CHD2: variants seen among roughly 807,000 people sequenced by gnomAD.
CHD2 encodes the protein ATP-dependent chromatin remodeler CHD2.
CHD2 carries 28 observed loss-of-function variants against 243.9 expected under a neutral mutation model. That is an observed-to-expected ratio of 0.11 (90% CI 0.09 to 0.16). The LOEUF (loss-of-function observed/expected upper bound fraction) is 0.16, where lower values mean the gene tolerates loss of function less well. CHD2 is among the 10% of genes least tolerant of loss of function. The pLI, the probability that CHD2 is intolerant of heterozygous loss-of-function variation, is 1.00. For missense variants in CHD2, 1,386 were observed against 2,209.8 expected (o/e 0.63, Z 7.47); for synonymous variants, 775 against 779.0 (o/e 0.99, Z 0.09).
intron 17 of CHD2, among the ~76,000 whole-genome samples, chr15:92,968,543 C>T (rs1357609521): frequency 6.6e-6 from 1 of 152,124 alleles, no homozygotes; most frequent in Non-Finnish European, 1.5e-5. Flanking sequence ...TTGCCTAGAT[C>T]TGTTAATTCA....
At chr15:92,905,068 T>C in intron 2 of CHD2, 3 of 1,425,588 alleles carry the variant, frequency 2.1e-6, no homozygotes, top group South Asian at 1.3e-5. Flanking sequence ...TAGTAGAAAA[T>C]AGAAAATTTC....
intron 2 of CHD2, chr15:92,904,502 G>A: frequency 1.2e-5 from 12 of 991,434 alleles, no homozygotes; most frequent in Non-Finnish European, 1.4e-5. Context: ...GGAAAAGGAA[G>A]GGAACTCTAG....
chr15:92,953,679 T>G, intron 14 of CHD2, 106 bp downstream of exon 14: 1 of 1,011,674 alleles, frequency 9.9e-7, no homozygotes, highest in Non-Finnish European at 1.5e-6. Context: ...GTTATTATTC[T>G]GATACTGTGC....
At chr15:92,944,234 GT>G in intron 9 of CHD2, 180 bp from the exon 10 acceptor site, 35 of 449,730 alleles carry the variant, frequency 7.8e-5, no homozygotes, top group Non-Finnish European at 9.7e-5. Context: ...CTCTAAAAGT[GT>G]TTTTTTTGTT....
At chr15:92,972,825 TG>T (rs1373805830) in intron 19 of CHD2, among the ~76,000 whole-genome samples, 1 of 126,636 alleles carries the variant, frequency 7.9e-6, no homozygotes, top group African/African-American at 3.1e-5. Flanking sequence ...CACTCCAGCC[TG>T]GGCGACAGAG....
At chr15:92,923,273 T>G (rs992762534) in intron 2 of CHD2, among the ~76,000 whole-genome samples, 5 of 152,152 alleles carry the variant, frequency 3.3e-5, no homozygotes, top group African/African-American at 4.8e-5. Flanking sequence ...TTGTTTTTGT[T>G]TTTTGGAGAC....
intron 2 of CHD2, 183 bp from the exon 3 acceptor site, chr15:92,924,138 G>T: frequency 1.9e-6 from 1 of 523,494 alleles, no homozygotes; most frequent in South Asian, 2.1e-5. Flanking sequence ...AGCTATTGGG[G>T]ATTTTGAGAA....
chr15:92,927,149 T>C lies in CHD2; in HGVS notation c.295-95T>C, dbSNP rs144624536. On this transcript the variant is annotated intron_variant, in intron 3 of 38. Transcript: ENST00000394196. ...ACTAGCAAAACAACCCTTTTGATAC[T>C]TGGTTACTTGAATTCTCTTCAATTG... The C allele has an allele frequency of 1.1e-3, 1,036 of 903,844 alleles. 5 individuals are homozygous for C. The highest frequency in any genetic ancestry group is 9.2e-3 in the East Asian group (353 of 38,268). The allele number at this position is 903,844 out of a possible 1,614,324, so 56.0% of individuals were successfully genotyped here. A position where few individuals can be genotyped will look rare whatever the true frequency, so the allele number is the denominator to read the frequency against.
At chr15:92,985,752 C>T (rs372585827) in intron 26 of CHD2, 79 bp downstream of exon 26, 18 of 1,439,574 alleles carry the variant, frequency 1.3e-5, no homozygotes, top group African/African-American at 2.8e-5. Flanking sequence ...TCCTGGACAT[C>T]GTGACAGGGT....
rs779953123 is a variant in CHD2 at position 93,009,166 on chromosome 15, G to A, written c.4435G>A (p.Val1479Met). Residue 1479 changes from valine (V) to methionine (M), a missense_variant, in exon 35 of 39, where the codon GTG becomes ATG. Physicochemically the swap from Val to Met is conservative, Grantham distance 21. Transcript: ENST00000394196. ...GCAGTGTAAGGAGAGGATGAGGCCCGTGAAAAAGGCACTGAAACAGCTCGA... is the reference window on the plus strand; with the variant it reads ...GCAGTGTAAGGAGAGGATGAGGCCCATGAAAAAGGCACTGAAACAGCTCGA... The part of the protein sequence containing the change: ...FSICKERMRP[V>M]KKALKQLDKP... 27 of 1,614,030 alleles carry A rather than the reference G, an allele frequency of 1.7e-5. No individual in the cohort carries two copies. Among genetic ancestry groups the A allele is most frequent in the Non-Finnish European group, 1.5e-5 (18 of 1,180,022 alleles).
chr15:92,940,883 TATATATAAAA>T (rs1267921817), intron 7 of CHD2, among the ~76,000 whole-genome samples: 8 of 90,114 alleles, frequency 8.9e-5, no homozygotes, highest in African/African-American at 1.7e-4. Context: ...TACATATAAA[TATATATAAAA>T]ATATATATAA....
intron 2 of CHD2, among the ~76,000 whole-genome samples, chr15:92,913,464 C>T (rs767851007): frequency 2.0e-5 from 3 of 152,140 alleles, no homozygotes; most frequent in Non-Finnish European, 4.4e-5. Context: ...GTGTTACTGG[C>T]CTCTAGTGGG....
intron 2 of CHD2, among the ~76,000 whole-genome samples, chr15:92,919,166 CTT>C (rs956891449): frequency 2.1e-5 from 3 of 143,594 alleles, no homozygotes; most frequent in Non-Finnish European, 4.6e-5. Context: ...CATAATTACA[CTT>C]TTTTTTTTTT....
intron 26 of CHD2, among the ~76,000 whole-genome samples, chr15:92,990,020 A>G (rs2054096273): frequency 6.6e-6 from 1 of 152,118 alleles, no homozygotes. Context: ...CCAGTTGGTA[A>G]TGTTGCCTCA....
intron 13 of CHD2, 68 bp downstream of exon 13, chr15:92,949,144 AT>A (rs1002924182): frequency 1.7e-4 from 261 of 1,520,474 alleles, no homozygotes; most frequent in East Asian, 3.1e-4. Flanking sequence ...GATGTCAAGA[AT>A]TTTTTTTTTC....
chr15:92,923,270 T>C (rs1394934072), intron 2 of CHD2, among the ~76,000 whole-genome samples: 1 of 152,182 alleles, frequency 6.6e-6, no homozygotes, highest in African/African-American at 2.4e-5. Context: ...TTTTTGTTTT[T>C]GTTTTTTGGA....
At chr15:92,962,095 T>C (rs1249918258) in intron 16 of CHD2, among the ~76,000 whole-genome samples, 1 of 151,966 alleles carries the variant, frequency 6.6e-6, no homozygotes, top group East Asian at 1.9e-4. Flanking sequence ...TTGGCCAGGC[T>C]GGTCTTGAAC....
At chr15:92,982,527 A>G (rs1347215142) in intron 24 of CHD2, among the ~76,000 whole-genome samples, 1 of 152,248 alleles carries the variant, frequency 6.6e-6, no homozygotes, top group Non-Finnish European at 1.5e-5. Context: ...TGGGAGGCAC[A>G]GGAAAGTCAA....
rs3064790 is a variant in CHD2 at position 92,961,876 on chromosome 15, C to CTTTTTTTT, written c.2000+5243_2000+5250dup. ...GGTTTCTTCCTCTGTTTTTTCTTCT[C>CTTTTTTTT]TTTTTTTTTTTTTTTTTTTTTTTGA... On this transcript the variant is annotated intron_variant, in intron 16 of 38. Transcript: ENST00000394196. Among the ~76,000 whole-genome samples the CTTTTTTTT allele has an allele frequency of 8.9e-3, 696 of 78,428 alleles. 21 individuals are homozygous for CTTTTTTTT. Among genetic ancestry groups the CTTTTTTTT allele is most frequent in the Non-Finnish European group, 0.011 (472 of 42,260 alleles). 51.5% of individuals were successfully genotyped at this position (78,428 alleles called of 152,430 possible). A position where few individuals can be genotyped will look rare whatever the true frequency, so the allele number is the denominator to read the frequency against.
Sources: gnomAD v4.1 joint callset for allele counts (sites outside exome capture counted in the v4.1 genomes callset) on GRCh38, gnomAD v4.1.1 for gene constraint, MANE v1.5 for transcripts, NCBI Gene and HGNC (gene_info 2026-07-23, HGNC 2026-07-21) for gene names.